Variants in MPPED1 observed in about 807,000 individuals in gnomAD.
MPPED1 encodes the protein metallophosphoesterase domain containing 1.
MPPED1 carries 16 observed loss-of-function variants against 36.2 expected under a neutral mutation model. That is an observed-to-expected ratio of 0.44 (90% CI 0.30 to 0.67). The LOEUF is 0.67. MPPED1 is among the 30% of genes least tolerant of loss of function. The pLI, the probability that MPPED1 is intolerant of heterozygous loss-of-function variation, is 0.10. For synonymous variants in MPPED1, 199 were observed against 191.3 expected (o/e 1.04, Z -0.33); for missense variants, 307 against 453.4 (o/e 0.68, Z 2.93).
In MPPED1 at chr22:43,501,089, A is replaced by G. The variant is rs949468486; in HGVS notation, c.749-1555A>G. Among the ~76,000 whole-genome samples, 6 of 152,098 alleles carry G rather than the reference A, an allele frequency of 3.9e-5. 1 individual carries two copies. The highest frequency in any genetic ancestry group is 1.3e-4 in the Admixed American group (2 of 15,278). The stretch of plus-strand genomic sequence containing the variant: ...CTCTGCCTCCTCACAAAGTCCAGGA[A>G]AGGAAGATTTTGTCAGCCTCACCCT... On this transcript the variant is annotated intron_variant, in intron 5 of 6. Coordinates refer to ENST00000443721, the MANE Select transcript of MPPED1 (RefSeq NM_001044370.2).
chr22:43,474,982 G>T lies in MPPED1; in HGVS notation c.632+21G>T, dbSNP rs761721828. ...CCATGGTGAGTGGGCCTGGGTGCTG[G>T]TCCTGCCTGCTGGTGAGACCAGAGC... On this transcript the variant is annotated intron_variant, in intron 4 of 6. Transcript: ENST00000443721. The surrounding 1 kb of genome is among the most constrained non-coding windows in gnomAD (Gnocchi z 5.2). The T allele has an allele frequency of 1.9e-6, 3 of 1,610,872 alleles. No individual in the cohort carries two copies. The African/African-American group carries it at 4.0e-5, about 22-fold the overall frequency.
chr22:43,413,095 C>T (rs1928962627), intron 1 of MPPED1, among the ~76,000 whole-genome samples: 3 of 152,228 alleles, frequency 2.0e-5, no homozygotes, highest in South Asian at 2.1e-4. Context: ...GATGTCTCTT[C>T]CCCAGTGCTG....
intron 1 of MPPED1, among the ~76,000 whole-genome samples, chr22:43,412,900 G>C (rs1205220039): frequency 1.3e-5 from 2 of 152,234 alleles, no homozygotes; most frequent in Admixed American, 6.5e-5. Context: ...CACCCTGGCA[G>C]GGCCAGAGGC....
At chr22:43,495,470 A>G (rs1166665926) in intron 4 of MPPED1, among the ~76,000 whole-genome samples, 19 of 49,946 alleles carry the variant, frequency 3.8e-4, no homozygotes, top group South Asian at 8.3e-4. Flanking sequence ...AGTGCTGGTG[A>G]TGGTGGAGGT....
Position 43,505,930 on chromosome 22 carries a change from G to A in MPPED1, c.*314G>A, listed in dbSNP as rs1292868883. The A allele has an allele frequency of 7.5e-6, 2 of 266,804 alleles. No homozygotes were observed. Among genetic ancestry groups the A allele is most frequent in the Non-Finnish European group, 1.4e-5 (2 of 140,864 alleles). The allele number at this position is 266,804 out of a possible 1,614,324, so 16.5% of individuals were successfully genotyped here. A position where few individuals can be genotyped will look rare whatever the true frequency, so the allele number is the denominator to read the frequency against. ...GACTAAATCTTCATTCTTCTCCCTT[G>A]GACGCCCTCCTGGTTTGGGAAGCTG... On this transcript the variant is annotated 3_prime_UTR_variant, in exon 7 of 7. Coordinates refer to ENST00000443721, the MANE Select transcript of MPPED1 (RefSeq NM_001044370.2).
intron 1 of MPPED1, among the ~76,000 whole-genome samples, 194 bp from the exon 2 acceptor site, chr22:43,424,714 C>A (rs1929397542): frequency 1.3e-5 from 2 of 150,964 alleles, no homozygotes; most frequent in Admixed American, 6.6e-5. Context: ...TCCCTCCCTT[C>A]CCTTTTCTTT....
intron 2 of MPPED1, among the ~76,000 whole-genome samples, chr22:43,432,483 G>GGA (rs1231094290): frequency 9.4e-6 from 1 of 106,148 alleles, no homozygotes. Context: ...GAGAAAGGGA[G>GGA]GAGAGAAAGG....
chr22:43,486,942 C>A lies in MPPED1; in HGVS notation c.633-11293C>A, dbSNP rs191316797. On this transcript the variant is annotated intron_variant, in intron 4 of 6. Coordinates refer to ENST00000443721, the MANE Select transcript of MPPED1 (RefSeq NM_001044370.2). The stretch of plus-strand genomic sequence containing the variant: ...CTCAGAGAGTTCTCGTGACTGTTTT[C>A]ATCGCTGATATGGGTCTTGGGGCTT... Among the ~76,000 whole-genome samples the A allele has an allele frequency of 3.9e-5, 6 of 152,292 alleles. No individual in the cohort carries two copies. In the East Asian group the frequency reaches 1.2e-3, roughly 29 times the overall value.
At chr22:43,492,749 C>G (rs1013866516) in intron 4 of MPPED1, among the ~76,000 whole-genome samples, 1 of 152,118 alleles carries the variant, frequency 6.6e-6, no homozygotes. Context: ...CCCCCAAGAA[C>G]CGGGCAGGAG....
intron 2 of MPPED1, among the ~76,000 whole-genome samples, chr22:43,428,223 C>A (rs1929549786): frequency 6.6e-6 from 1 of 152,190 alleles, no homozygotes; most frequent in Admixed American, 6.5e-5. Context: ...AGGATTCACA[C>A]CTGGCCTGCC....
rs117277544 is a variant in MPPED1, at chr22:43,506,741, G to T, written c.*1125G>T. The T allele has an allele frequency of 6.6e-6, 1 of 152,216 alleles. No individual in the cohort carries two copies. Among genetic ancestry groups the T allele is most frequent in the Admixed American group, 6.5e-5 (1 of 15,278 alleles). The allele number at this position is 152,216 out of a possible 1,614,324, so 9.4% of individuals were successfully genotyped here. ...TTTCTTCTTTGAATTAGGACTGGAG[G>T]GGGTGGGGCCAGGGCGGTGGTGGGA... On this transcript the variant is annotated 3_prime_UTR_variant, in exon 7 of 7. Coordinates refer to ENST00000443721, the MANE Select transcript of MPPED1 (RefSeq NM_001044370.2).
At chr22:43,433,693 C>T (rs1472844127) in intron 2 of MPPED1, among the ~76,000 whole-genome samples, 6 of 151,922 alleles carry the variant, frequency 3.9e-5, no homozygotes, top group African/African-American at 1.5e-4. Context: ...GTGCGCCCTG[C>T]ACATTAGCAT....
chr22:43,472,285 C>T (rs1275401343), intron 3 of MPPED1, among the ~76,000 whole-genome samples: 1 of 152,204 alleles, frequency 6.6e-6, no homozygotes, highest in Non-Finnish European at 1.5e-5. Context: ...GTGGATGGGT[C>T]TGGCCTGCCT....
intron 4 of MPPED1, among the ~76,000 whole-genome samples, chr22:43,480,802 A>G (rs1040762021): frequency 2.9e-4 from 43 of 149,494 alleles, no homozygotes; most frequent in African/African-American, 9.4e-4. Flanking sequence ...AATAATGAAG[A>G]CTTATTTCTT....
chr22:43,482,147 A>G (rs950402278), intron 4 of MPPED1, among the ~76,000 whole-genome samples: 1 of 152,306 alleles, frequency 6.6e-6, no homozygotes, highest in East Asian at 1.9e-4. Context: ...TCCCGTATAC[A>G]TACCGTATTC....
intron 4 of MPPED1, among the ~76,000 whole-genome samples, chr22:43,495,951 T>C (rs1251997078): frequency 1.4e-5 from 2 of 140,616 alleles, no homozygotes; most frequent in Non-Finnish European, 1.6e-5. Flanking sequence ...GTAGTGGTGG[T>C]GGAGGTGGTG....
At chr22:43,475,686 A>ATGGTGATGATGGTGG in intron 4 of MPPED1, among the ~76,000 whole-genome samples, 1 of 122,962 alleles carries the variant, frequency 8.1e-6, no homozygotes, top group Non-Finnish European at 1.8e-5. Context: ...TGATGTGGTG[A>ATGGTGATGATGGTGG]TGGTGATGAT....
chr22:43,448,713 C>G lies in MPPED1; in HGVS notation c.406+13498C>G, dbSNP rs574078340. 3.3e-5 allele frequency among the ~76,000 whole-genome samples: 5 copies of G among 152,192 alleles called. No individual in the cohort carries two copies. In the East Asian group the frequency reaches 5.8e-4, roughly 18 times the overall value. On this transcript the variant is annotated intron_variant, in intron 3 of 6. Coordinates refer to ENST00000443721, the MANE Select transcript of MPPED1 (RefSeq NM_001044370.2). ...TGCCTCCAGGGTTCAAGTGATTCTC[C>G]TGCCTCAGCCTCTTGAGTAGCTGGG...
At chr22:43,436,651 C>A (rs1429455721) in intron 3 of MPPED1, among the ~76,000 whole-genome samples, 1 of 152,248 alleles carries the variant, frequency 6.6e-6, no homozygotes, top group African/African-American at 2.4e-5. Context: ...GGGGCCCCTT[C>A]CCCGAGGGAG....
Sources: allele counts gnomAD v4.1 joint callset (sites outside exome capture counted in the v4.1 genomes callset), GRCh38; gene constraint gnomAD v4.1.1; non-coding constraint Gnocchi (gnomAD v3.1); transcripts MANE v1.5; gene names NCBI Gene and HGNC (gene_info 2026-07-23, HGNC 2026-07-21).